Variants in MGME1 observed in about 807,000 individuals in gnomAD.
MGME1 encodes mitochondrial genome maintenance exonuclease 1.
MGME1 carries 22 observed loss-of-function variants against 33.0 expected under a neutral mutation model. The ratio of observed to expected loss-of-function variants is 0.67; its 90% CI spans 0.48 to 0.95. The LOEUF is 0.95. MGME1 is among the 40% of genes least tolerant of loss of function. The pLI is 0.00. For missense variants in MGME1, 383 were observed against 397.8 expected (o/e 0.96, Z 0.32); for synonymous variants, 133 against 144.0 (o/e 0.92, Z 0.55).
intron 3 of MGME1, among the ~76,000 whole-genome samples, chr20:17,984,390 T>C (rs1207303467): frequency 6.6e-6 from 1 of 152,208 alleles, no homozygotes; most frequent in Non-Finnish European, 1.5e-5. Context: ...AAGATTATAA[T>C]GGAGCTGAAA....
chr20:17,983,783 A>G (rs2036090765), intron 3 of MGME1, among the ~76,000 whole-genome samples: 1 of 152,114 alleles, frequency 6.6e-6, no homozygotes, highest in Admixed American at 6.6e-5. Context: ...CCCATTTTTT[A>G]ATCAAGTTAT....
intron 3 of MGME1, among the ~76,000 whole-genome samples, chr20:17,977,239 A>G (rs1407566782): frequency 6.6e-6 from 1 of 151,834 alleles, no homozygotes; most frequent in Non-Finnish European, 1.5e-5. Context: ...AGCCAGGCGC[A>G]GTGGTGTGTG....
At position 17,971,697 on chromosome 20, in the gene MGME1, G is replaced by GT. The variant is rs58730246; in HGVS notation, c.511+1337dup. Among the ~76,000 whole-genome samples, 1,252 of 149,026 alleles carry GT rather than the reference G, an allele frequency of 8.4e-3. 9 individuals are homozygous for GT. The highest frequency in any genetic ancestry group is 0.014 in the South Asian group (64 of 4,702). ...AGCCCAGGCAGAGAGAAGACTGGTT[G>GT]TTTTTTTTTTCATAGAGTCAGCTTT... On this transcript the variant is annotated intron_variant, in intron 2 of 4. Coordinates refer to ENST00000377710, the MANE Select transcript of MGME1 (RefSeq NM_052865.4).
intron 2 of MGME1, among the ~76,000 whole-genome samples, chr20:17,974,605 A>G (rs184848097): frequency 2.0e-5 from 3 of 152,346 alleles, no homozygotes; most frequent in East Asian, 3.8e-4. Context: ...AAATTTCTCT[A>G]GTATTCACAT....
chr20:17,978,505 T>C (rs913974364), intron 3 of MGME1, among the ~76,000 whole-genome samples: 8 of 151,978 alleles, frequency 5.3e-5, no homozygotes, highest in African/African-American at 1.9e-4. Flanking sequence ...GCGCCTGGCC[T>C]AGACCACCTA....
Position 17,975,763 on chromosome 20 carries a change from T to A in MGME1, c.591T>A (p.Asp197Glu). 6.2e-7 allele frequency: 1 copy of A among 1,614,002 alleles called. No individual in the cohort carries two copies. The highest frequency in any genetic ancestry group is 8.5e-7 in the Non-Finnish European group (1 of 1,179,990). The change falls in exon 3 of 5, where the codon GAT becomes GAA. Residue 197 changes from aspartate (D) to glutamate (E), a missense_variant. Asp to Glu is a conservative substitution (Grantham distance 45, BLOSUM62 2). Transcript: ENST00000377710. The stretch of plus-strand genomic sequence containing the variant: ...CCCAGGAAACCTTAAAAGAGAGAGA[T>A]GAAAATCTCCTCAAGTCTGGTTACA... ...LSPQETLKERDENLLKSGYIE... is the reference protein window; with the variant it reads ...LSPQETLKEREENLLKSGYIE...
At chr20:17,968,681 G>A, upstream of MGME1, 2 of 576,314 alleles carry the variant, frequency 3.5e-6, no homozygotes, top group Non-Finnish European at 6.3e-6. Flanking sequence ...GCCGGGCAAA[G>A]ACGCCACGTG....
At chr20:17,982,294 G>GT (rs2036042944) in intron 3 of MGME1, among the ~76,000 whole-genome samples, 1 of 151,610 alleles carries the variant, frequency 6.6e-6, no homozygotes, top group Non-Finnish European at 1.5e-5. Context: ...CTAATTTTTT[G>GT]TTTTTAGTGG....
intron 4 of MGME1, 42 bp downstream of exon 4, chr20:17,988,340 T>C: frequency 6.3e-7 from 1 of 1,596,868 alleles, no homozygotes; most frequent in Non-Finnish European, 8.5e-7. Flanking sequence ...GCTCAATGCT[T>C]ACTTAAAACT....
intron 2 of MGME1, among the ~76,000 whole-genome samples, chr20:17,974,143 C>T (rs2035801430): frequency 7.1e-6 from 1 of 141,434 alleles, no homozygotes; most frequent in Non-Finnish European, 1.5e-5. Context: ...TGGCTCACTG[C>T]AACCTCTGCC....
Position 17,975,705 on chromosome 20 carries a change from G to A in MGME1, c.533G>A (p.Arg178Gln), listed in dbSNP as rs767851553. The change falls in exon 3 of 5, where the codon CGG becomes CAG. Residue 178 changes from arginine to glutamine, a missense_variant. Coordinates refer to ENST00000377710, the MANE Select transcript of MGME1 (RefSeq NM_052865.4). ...TCAGACGTCTTTTTACAAGGGAAAC[G>A]GTTCCACGAAGCCTTGGAAAGCATA... ...YTSNVFLQGK[R>Q]FHEALESILS... 76 of 1,613,522 alleles carry A rather than the reference G, an allele frequency of 4.7e-5. No individual in the cohort carries two copies. Among genetic ancestry groups the A allele is most frequent in the African/African-American group, 1.2e-4 (9 of 74,856 alleles).
upstream of MGME1, chr20:17,968,715 C>T (rs2035622751): frequency 9.0e-6 from 4 of 446,448 alleles, no homozygotes; most frequent in South Asian, 2.5e-5. Context: ...CTCCGCTCCA[C>T]GAGGAGGCCG....
At chr20:17,970,982 T>C (rs1212667788) in intron 2 of MGME1, among the ~76,000 whole-genome samples, 1 of 152,230 alleles carries the variant, frequency 6.6e-6, no homozygotes, top group Non-Finnish European at 1.5e-5. Context: ...CAAAGACCAT[T>C]GGCACTGGTG....
At chr20:17,970,403 C>G (rs760072675) in intron 2 of MGME1, 33 bp downstream of exon 2, 34 of 1,560,840 alleles carry the variant, frequency 2.2e-5, no homozygotes, top group African/African-American at 2.7e-5. Context: ...TATATGTTTG[C>G]TATGTTTTCT....
At chr20:17,971,708 CAT>C (rs2035732919) in intron 2 of MGME1, among the ~76,000 whole-genome samples, 1 of 150,282 alleles carries the variant, frequency 6.7e-6, no homozygotes, top group Non-Finnish European at 1.5e-5. Flanking sequence ...TTTTTTTTTT[CAT>C]AGAGTCAGCT....
chr20:17,981,546 T>C (rs900679009), intron 3 of MGME1, among the ~76,000 whole-genome samples: 2 of 152,224 alleles, frequency 1.3e-5, no homozygotes, highest in Non-Finnish European at 2.9e-5. Context: ...TCTTGCTGTG[T>C]TGCCCAGACT....
In MGME1 at chr20:17,970,374, A is replaced by G. The variant is rs200441428; in HGVS notation, c.511+4A>G. The G allele has an allele frequency of 3.7e-6, 6 of 1,600,374 alleles. No homozygotes were observed. The highest frequency in any genetic ancestry group is 5.1e-6 in the Non-Finnish European group (6 of 1,174,634). The stretch of plus-strand genomic sequence containing the variant: ...GGCTTTAAAGAATACACTTCAAGTA[A>G]TTATCTCAATTCTGATTCTATATGT... On this transcript the variant is annotated splice_donor_region_variant and intron_variant, in intron 2 of 4. Transcript: ENST00000377710.
At chr20:17,987,745 A>G (rs1037289319) in intron 3 of MGME1, among the ~76,000 whole-genome samples, 6 of 152,226 alleles carry the variant, frequency 3.9e-5, no homozygotes, top group Admixed American at 1.3e-4. Flanking sequence ...TTTGAAATTG[A>G]AGTCATGAAA....
rs1256337361 is a variant in MGME1, at chr20:17,969,907, A to G, written c.48A>G (p.Ser16=). 4 of 1,613,754 alleles carry G rather than the reference A, an allele frequency of 2.5e-6. No individual in the cohort carries two copies. The South Asian group carries it at 4.4e-5, about 18-fold the overall frequency. Residue 16 remains serine, a synonymous_variant, in exon 2 of 5, where the codon TCA becomes TCG. Transcript: ENST00000377710. Reference sequence around the variant, plus strand: ...CCATTTGCAGGCAGCTCAGGAGTTCAAAGTTTTCTGTGGAATCAGCTGCCC... The same window carrying G: ...CCATTTGCAGGCAGCTCAGGAGTTCGAAGTTTTCTGTGGAATCAGCTGCCC... ...FQTICRQLRS[S]KFSVESAALV...
Sources: gnomAD v4.1 joint callset for allele counts (sites outside exome capture counted in the v4.1 genomes callset) on GRCh38, gnomAD v4.1.1 for gene constraint, MANE v1.5 for transcripts, NCBI Gene and HGNC (gene_info 2026-07-23, HGNC 2026-07-21) for gene names.